The following TYR variants were observed in gnomAD, a reference collection of about 807,000 sequenced individuals.
TYR encodes tyrosinase.
TYR carries 58 observed loss-of-function variants against 51.5 expected under a neutral mutation model. The observed-to-expected ratio is 1.13, with a 90% CI of 0.91 to 1.40. TYR has a LOEUF of 1.40. Among genes scored for constraint, TYR ranks in the 40% most tolerant of loss-of-function variants. The probability of loss-of-function intolerance (pLI) is 0.00; values close to 1 mark genes in which losing one functional copy is unlikely to be tolerated. For missense variants in TYR, 732 were observed against 647.4 expected, an observed-to-expected ratio of 1.13 and a Z score of -1.42; for synonymous variants, 263 against 235.2, an observed-to-expected ratio of 1.12 and a Z score of -1.08.
chr11:89,227,232 T>C (rs1943987688), intron 2 of TYR, among the ~76,000 whole-genome samples: 1 of 152,182 alleles, frequency 6.6e-6, no homozygotes, highest in South Asian at 2.1e-4. Context: ...TTACTGTTGC[T>C]GATGCAATAA....
chr11:89,180,647 G>T (rs1943289392), intron 1 of TYR, among the ~76,000 whole-genome samples: 2 of 152,008 alleles, frequency 1.3e-5, no homozygotes, highest in South Asian at 4.1e-4. Flanking sequence ...TTGCTGTGTA[G>T]AAACAGGTTT....
At chr11:89,199,639 C>G (rs776260054) in intron 2 of TYR, among the ~76,000 whole-genome samples, 4 of 152,160 alleles carry the variant, frequency 2.6e-5, no homozygotes, top group Admixed American at 1.3e-4. Context: ...ATTACATGCT[C>G]AGGTTATCAT....
chr11:89,242,006 AATCACATT>A (rs1467911232), intron 3 of TYR, among the ~76,000 whole-genome samples: 2 of 152,040 alleles, frequency 1.3e-5, no homozygotes, highest in African/African-American at 2.4e-5. Flanking sequence ...GAGCAATTTA[AATCACATT>A]ATACTGTTTC....
At chr11:89,259,031 T>C (rs978155979) in intron 3 of TYR, among the ~76,000 whole-genome samples, 1 of 152,096 alleles carries the variant, frequency 6.6e-6, no homozygotes, top group African/African-American at 2.4e-5. Context: ...GGTGTCTTTT[T>C]TTAATACCCA....
At chr11:89,190,567 A>G (rs1029852338) in intron 1 of TYR, among the ~76,000 whole-genome samples, 31 of 152,164 alleles carry the variant, frequency 2.0e-4, no homozygotes, top group Non-Finnish European at 4.0e-4. Context: ...AAAATTAAGT[A>G]AAAAAGTTAC....
At chr11:89,271,677 C>T (rs1944590223) in intron 3 of TYR, among the ~76,000 whole-genome samples, 1 of 151,742 alleles carries the variant, frequency 6.6e-6, no homozygotes, top group Non-Finnish European at 1.5e-5. Context: ...CTCTTCCTTT[C>T]AAAAAATATA....
chr11:89,286,956 C>T (rs1354361573), intron 4 of TYR, among the ~76,000 whole-genome samples: 1 of 151,846 alleles, frequency 6.6e-6, no homozygotes, highest in African/African-American at 2.4e-5. Context: ...CCAAAACACG[C>T]TAGACTTTCA....
At chr11:89,259,307 C>T (rs1590883929) in intron 3 of TYR, among the ~76,000 whole-genome samples, 1 of 152,074 alleles carries the variant, frequency 6.6e-6, no homozygotes, top group Admixed American at 6.6e-5. Flanking sequence ...AAATTCTACC[C>T]TGTTGTGTAG....
At chr11:89,200,746 G>A (rs1392296191) in intron 2 of TYR, 2 of 151,334 alleles carry the variant, frequency 1.3e-5, no homozygotes, top group East Asian at 1.9e-4. Context: ...ATAATTTATT[G>A]TTTGGTTGAA....
chr11:89,265,105 C>T (rs188324529), intron 3 of TYR, among the ~76,000 whole-genome samples: 2 of 152,118 alleles, frequency 1.3e-5, no homozygotes, highest in Admixed American at 1.3e-4. Flanking sequence ...TAAACAACTA[C>T]AGATTCTCAA....
chr11:89,276,145 A>G (rs528191818), intron 3 of TYR, among the ~76,000 whole-genome samples: 6 of 151,928 alleles, frequency 3.9e-5, no homozygotes, highest in South Asian at 4.1e-4. Flanking sequence ...TATTCCTCCA[A>G]TGTACTTGTG....
Position 89,227,907 on chromosome 11 carries a change from T to C in TYR, c.1121T>C (p.Met374Thr), listed in dbSNP as rs769024531. 3 of 1,613,718 alleles carry C rather than the reference T, an allele frequency of 1.9e-6. No individual in the cohort carries two copies. The highest frequency in any genetic ancestry group is 1.7e-5 in the Admixed American group (1 of 59,932). ...NALHIYMNGTMSQVQGSANDP... is the reference protein window; with the variant it reads ...NALHIYMNGTTSQVQGSANDP... ...TTGCACATCTATATGAATGGAACAATGTCCCAGGTACAGGGATCTGCCAAC... is the reference window on the plus strand; with the variant it reads ...TTGCACATCTATATGAATGGAACAACGTCCCAGGTACAGGGATCTGCCAAC... The change falls in exon 3 of 5, where the codon ATG becomes ACG. Residue 374 changes from methionine to threonine, a missense_variant. Met to Thr is a moderately conservative substitution (Grantham distance 81, BLOSUM62 -1). Coordinates refer to ENST00000263321, the MANE Select transcript of TYR (RefSeq NM_000372.5).
intron 2 of TYR, among the ~76,000 whole-genome samples, chr11:89,193,835 A>T (rs1484121585): frequency 7.9e-5 from 12 of 151,690 alleles, no homozygotes. Flanking sequence ...ACATGAATAT[A>T]TATTTTACCC....
At chr11:89,237,182 T>C (rs1394554468) in intron 3 of TYR, among the ~76,000 whole-genome samples, 1 of 152,196 alleles carries the variant, frequency 6.6e-6, no homozygotes, top group East Asian at 1.9e-4. Flanking sequence ...AACTGTTTTC[T>C]TGGCTGCAGG....
chr11:89,200,889 G>C (rs1943589023), intron 2 of TYR, among the ~76,000 whole-genome samples: 1 of 152,060 alleles, frequency 6.6e-6, no homozygotes, highest in South Asian at 2.1e-4. Flanking sequence ...TTTCCTCAGA[G>C]TTTAATTACA....
intron 3 of TYR, among the ~76,000 whole-genome samples, chr11:89,232,244 T>A (rs552139610): frequency 1.4e-5 from 2 of 143,400 alleles, no homozygotes; most frequent in Admixed American, 6.9e-5. Context: ...AATATCTCAA[T>A]AGAGACACAA....
intron 4 of TYR, among the ~76,000 whole-genome samples, chr11:89,291,159 C>G (rs1370736196): frequency 6.6e-6 from 1 of 151,896 alleles, no homozygotes; most frequent in Non-Finnish European, 1.5e-5. Context: ...TTCAACATAT[C>G]TTCTGGGTCC....
At chr11:89,270,897 G>A (rs1422849956) in intron 3 of TYR, among the ~76,000 whole-genome samples, 2 of 151,832 alleles carry the variant, frequency 1.3e-5, no homozygotes, top group South Asian at 2.1e-4. Flanking sequence ...GACCAATAAG[G>A]CAATATCATT....
intron 3 of TYR, among the ~76,000 whole-genome samples, chr11:89,246,120 A>C (rs1944265099): frequency 6.6e-6 from 1 of 151,356 alleles, no homozygotes; most frequent in Admixed American, 6.6e-5. Flanking sequence ...TAGCTTAGGA[A>C]CTGAGACCGA....
Sources: gnomAD v4.1 joint callset for allele counts (sites outside exome capture counted in the v4.1 genomes callset) on GRCh38, gnomAD v4.1.1 for gene constraint, MANE v1.5 for transcripts, NCBI Gene and HGNC (gene_info 2026-07-23, HGNC 2026-07-21) for gene names.